The following MYH13 variants were observed in gnomAD, a reference collection of about 807,000 sequenced individuals.
MYH13 encodes myosin heavy chain 13.
In MYH13, 177 loss-of-function variants were observed where a neutral mutation model predicts 232.1. That is an observed-to-expected ratio of 0.76 (90% CI 0.67 to 0.86). MYH13 has a LOEUF of 0.86. MYH13 is among the 40% of genes least tolerant of loss of function. MYH13 has a pLI of 0.00. For missense variants in MYH13, 2,246 were observed against 2,405.9 expected, an observed-to-expected ratio of 0.93 and a Z score of 1.39; for synonymous variants, 884 against 923.5, an observed-to-expected ratio of 0.96 and a Z score of 0.78.
intron 16 of MYH13, among the ~76,000 whole-genome samples, chr17:10,341,919 T>C (rs2071622317): frequency 6.6e-6 from 1 of 152,214 alleles, no homozygotes; most frequent in Non-Finnish European, 1.5e-5. Context: ...TGAATAATTA[T>C]ATTTCATATA....
chr17:10,328,735 T>C (rs1017992732), intron 21 of MYH13, among the ~76,000 whole-genome samples: 11 of 148,594 alleles, frequency 7.4e-5, no homozygotes, highest in Non-Finnish European at 4.4e-5. Context: ...TAGAGTGCAA[T>C]GGTGCAATCT....
rs1346079549 is a variant in MYH13, at chr17:10,328,102, G to T, written c.2455C>A (p.Gln819Lys). ...MERRDSIFCI[Q>K]YNIRSFMNVK... Reference sequence around the variant, plus strand: ...TTCATAAAAGAGCGGATGTTGTACTGGATGCAGAAGATGGAGTCCCTGTAC... The same window carrying T: ...TTCATAAAAGAGCGGATGTTGTACTTGATGCAGAAGATGGAGTCCCTGTAC... Residue 819 changes from glutamine to lysine, a missense_variant, in exon 22 of 41, where the codon CAG (glutamine) becomes AAG (lysine). Transcript: ENST00000252172. 1.2e-6 allele frequency: 2 copies of T among 1,613,932 alleles called. No homozygotes were observed. Among genetic ancestry groups the T allele is most frequent in the Admixed American group, 3.3e-5 (2 of 59,962 alleles).
chr17:10,324,871 T>G (rs1907148369), intron 22 of MYH13: 1 of 149,738 alleles, frequency 6.7e-6, no homozygotes, highest in Non-Finnish European at 1.5e-5. Context: ...TTGCCCAAGC[T>G]AAAGTGCAGT....
At chr17:10,311,630 G>A (rs1906511363) in intron 32 of MYH13, among the ~76,000 whole-genome samples, 1 of 152,302 alleles carries the variant, frequency 6.6e-6, no homozygotes, top group East Asian at 1.9e-4. Context: ...AGAATACAAA[G>A]CCACCTAGAG....
At chr17:10,321,402 G>A in intron 24 of MYH13, 130 bp downstream of exon 24, 3 of 898,816 alleles carry the variant, frequency 3.3e-6, no homozygotes, top group South Asian at 1.9e-5. Flanking sequence ...TCAGGGTGGG[G>A]CTGAGATCTG....
intron 2 of MYH13, among the ~76,000 whole-genome samples, chr17:10,369,807 C>A (rs549610573): frequency 6.6e-6 from 1 of 152,182 alleles, no homozygotes; most frequent in Non-Finnish European, 1.5e-5. Flanking sequence ...TGCATCTAAC[C>A]TAGTTGGATA....
At chr17:10,365,756 G>A (rs987654173) in intron 2 of MYH13, among the ~76,000 whole-genome samples, 1 of 152,012 alleles carries the variant, frequency 6.6e-6, no homozygotes, top group Admixed American at 6.6e-5. Flanking sequence ...TCTAAACGCG[G>A]TCTCTAAACT....
chr17:10,369,384 A>C (rs1597391839), intron 2 of MYH13, among the ~76,000 whole-genome samples: 1 of 152,136 alleles, frequency 6.6e-6, no homozygotes, highest in East Asian at 1.9e-4. Flanking sequence ...GTGAATATTC[A>C]CTAGGTCTGG....
Position 10,322,207 on chromosome 17 carries a change from A to G in MYH13, c.2935-499T>C, listed in dbSNP as rs191503786. Among the ~76,000 whole-genome samples, 845 of 150,440 alleles carry G rather than the reference A, an allele frequency of 5.6e-3. 26 individuals are homozygous for G. Among genetic ancestry groups the G allele is most frequent in the Admixed American group, 0.052 (775 of 14,876 alleles). On this transcript the variant is annotated intron_variant, in intron 23 of 40. Transcript: ENST00000252172. ...GGAGATCGAGACCATCCTGACTAAC[A>G]TCGTGAAACCTCGTCTCTACTAAAA...
At chr17:10,321,444 T>G in intron 24 of MYH13, 88 bp downstream of exon 24, 1 of 1,313,072 alleles carries the variant, frequency 7.6e-7, no homozygotes, top group Non-Finnish European at 1.0e-6. Flanking sequence ...GAGTCTGACC[T>G]CTCAAGCCCT....
intron 12 of MYH13, among the ~76,000 whole-genome samples, chr17:10,348,448 C>T (rs995906635): frequency 4.6e-5 from 7 of 152,210 alleles, no homozygotes; most frequent in Non-Finnish European, 8.8e-5. Flanking sequence ...AGTGACAATA[C>T]TCATGTTATA....
intron 7 of MYH13, 98 bp from the exon 8 acceptor site, chr17:10,357,925 T>A: frequency 9.5e-7 from 1 of 1,053,890 alleles, no homozygotes; most frequent in Non-Finnish European, 1.4e-6. Flanking sequence ...CAGGTTCAGG[T>A]AGAGATGTCG....
chr17:10,313,419 A>G, intron 29 of MYH13, 65 bp from the exon 30 acceptor site: 23 of 1,605,572 alleles, frequency 1.4e-5, no homozygotes, highest in Non-Finnish European at 1.9e-5. Context: ...AGGTATTTTC[A>G]TTTAAATCGC....
chr17:10,330,111 G>A (rs1038013794), intron 21 of MYH13, among the ~76,000 whole-genome samples: 6 of 151,920 alleles, frequency 3.9e-5, no homozygotes, highest in Admixed American at 2.0e-4. Context: ...CCTATCCCCC[G>A]ACTATAACTC....
Position 10,309,711 on chromosome 17 carries a change from T to G in MYH13, c.4776A>C (p.Arg1592Ser), listed in dbSNP as rs1378082198. Residue 1592 changes from arginine to serine, a missense_variant, in exon 34 of 41, where the codon AGA becomes AGC. Arg to Ser is a moderately radical substitution (Grantham distance 110). Transcript: ENST00000252172. ...GGGCCTCTGCTGCCCGCTGGCTGTTTCTTTTTAGCTGCTCGATTTCTTCAT... is the reference window on the plus strand; with the variant it reads ...GGGCCTCTGCTGCCCGCTGGCTGTTGCTTTTTAGCTGCTCGATTTCTTCAT... ...EKDEEIEQLKRNSQRAAEALQ... is the reference protein window; with the variant it reads ...EKDEEIEQLKSNSQRAAEALQ... The G allele has an allele frequency of 1.2e-6, 2 of 1,605,682 alleles. No homozygotes were observed. The highest frequency in any genetic ancestry group is 1.3e-5 in the African/African-American group (1 of 74,844).
Position 10,350,645 on chromosome 17 carries a change from T to C in MYH13, c.1055A>G (p.Tyr352Cys). Residue 352 changes from tyrosine to cysteine, a missense_variant, in exon 12 of 41, where the codon TAC (tyrosine) becomes TGC (cysteine). Coordinates refer to ENST00000252172, the MANE Select transcript of MYH13 (RefSeq NM_003802.3). The stretch of plus-strand genomic sequence containing the variant: ...ATGCATCACGGCTCCCGTCAGTTTG[T>C]AGATCCCGACTTTCTCCTCTGAGCT... The part of the protein sequence containing the change: ...GFSSEEKVGI[Y>C]KLTGAVMHYG... 1 of 1,613,798 alleles carries C rather than the reference T, an allele frequency of 6.2e-7. No individual in the cohort carries two copies. The highest frequency in any genetic ancestry group is 1.1e-5 in the South Asian group (1 of 91,062).
At position 10,344,099 on chromosome 17, in the gene MYH13, A is replaced by T. The variant is rs762087541; in HGVS notation, c.1595T>A (p.Ile532Asn). 6.2e-7 allele frequency: 1 copy of T among 1,614,028 alleles called. No homozygotes were observed. Among genetic ancestry groups the T allele is most frequent in the Non-Finnish European group, 8.5e-7 (1 of 1,179,892 alleles). Residue 532 changes from isoleucine (I) to asparagine (N), a missense_variant, in exon 16 of 41, where the codon ATC becomes AAC. Coordinates refer to ENST00000252172, the MANE Select transcript of MYH13 (RefSeq NM_003802.3). ...CIELIEKPMGIFSILEEECMF... is the reference protein window; with the variant it reads ...CIELIEKPMGNFSILEEECMF... ...GCACTCCTCTTCCAGGATGGAGAAG[A>T]TGCCCATAGGCTGGAAAGAGGATAA...
intron 7 of MYH13, among the ~76,000 whole-genome samples, chr17:10,358,177 A>G (rs1364239937): frequency 6.6e-6 from 1 of 152,188 alleles, no homozygotes; most frequent in African/African-American, 2.4e-5. Context: ...TGCATGTAAT[A>G]TGACCCACCT....
intron 16 of MYH13, 105 bp downstream of exon 16, chr17:10,343,695 C>T (rs1476657375): frequency 2.4e-6 from 3 of 1,255,144 alleles, no homozygotes; most frequent in Non-Finnish European, 3.2e-6. Context: ...AAACATCATA[C>T]TCAGCTGAAG....
Sources: allele counts gnomAD v4.1 joint callset (sites outside exome capture counted in the v4.1 genomes callset), GRCh38; gene constraint gnomAD v4.1.1; transcripts MANE v1.5; gene names NCBI Gene and HGNC (gene_info 2026-07-23, HGNC 2026-07-21).